EPRS1: variants seen among roughly 807,000 people sequenced by gnomAD.
EPRS1 encodes the protein glutamyl-prolyl-tRNA synthetase 1.
EPRS1 carries 107 observed loss-of-function variants against 188.3 expected under a neutral mutation model. That is an observed-to-expected ratio of 0.57 (90% confidence interval 0.49 to 0.67). The LOEUF (loss-of-function observed/expected upper bound fraction) is 0.67. Among genes scored for constraint, EPRS1 ranks in the 30% least tolerant of loss-of-function variants. The pLI is 0.00. For missense variants in EPRS1, 1,577 were observed against 1,802.2 expected (o/e 0.88, Z 2.26); for synonymous variants, 596 against 593.1 (o/e 1.00, Z -0.07).
In EPRS1 at chr1:219,988,672, G is replaced by A. The variant is rs550792257; in HGVS notation, c.2693C>T (p.Thr898Ile). 1.9e-6 allele frequency: 3 copies of A among 1,613,932 alleles called. No homozygotes were observed. The highest frequency in any genetic ancestry group is 1.3e-5 in the African/African-American group (1 of 75,034). ...GTCAAAAAGTACTTTCGCTTCTGGTGTTTCTAAACCAGCAGGTTCAGAATT... is the reference window on the plus strand; with the variant it reads ...GTCAAAAAGTACTTTCGCTTCTGGTATTTCTAAACCAGCAGGTTCAGAATT... ...TRNSEPAGLE[T>I]PEAKVLFDKV... Residue 898 changes from threonine to isoleucine, a missense_variant, in exon 19 of 32, where the codon ACA (threonine) becomes ATA (isoleucine). Thr to Ile is a moderately conservative substitution (Grantham distance 89). Around this residue, in one of 3 missense-constraint regions of EPRS1, gnomAD observed 1,278 missense variants for 1,457.4 expected, o/e 0.88. Transcript: ENST00000366923.
At chr1:219,969,752 T>G (rs532470742) in intron 30 of EPRS1, among the ~76,000 whole-genome samples, 7 of 152,240 alleles carry the variant, frequency 4.6e-5, no homozygotes, top group Admixed American at 1.3e-4. Context: ...AAATTTGCCA[T>G]GTGTTTGAAA....
At chr1:220,043,655 A>G (rs1241900266) in intron 1 of EPRS1, among the ~76,000 whole-genome samples, 3 of 152,226 alleles carry the variant, frequency 2.0e-5, no homozygotes, top group Admixed American at 6.5e-5. Context: ...ATGGGCTGCA[A>G]TGAAGAACAA....
chr1:219,972,149 T>A lies in EPRS1; in HGVS notation c.4245-2A>T. The A allele has an allele frequency of 6.4e-7, 1 of 1,553,044 alleles. No homozygotes were observed. The highest frequency in any genetic ancestry group is 8.7e-7 in the Non-Finnish European group (1 of 1,146,150). ...TGAGTCTTAAGGTCTTCAGAAGCCC[T>A]ACCAAACAAAATTAGAAAACAATAC... On this transcript the variant is annotated splice_acceptor_variant, in intron 29 of 31. Coordinates refer to ENST00000366923, the MANE Select transcript of EPRS1 (RefSeq NM_004446.3). LOFTEE classifies it high-confidence loss of function.
intron 28 of EPRS1, among the ~76,000 whole-genome samples, chr1:219,976,374 A>G (rs1376777814): frequency 6.6e-6 from 1 of 152,236 alleles, no homozygotes; most frequent in East Asian, 1.9e-4. Context: ...TCATTCTGCT[A>G]TAAAGAAACA....
intron 12 of EPRS1, among the ~76,000 whole-genome samples, chr1:220,012,324 A>C (rs1661620352): frequency 6.6e-6 from 1 of 152,200 alleles, no homozygotes; most frequent in Non-Finnish European, 1.5e-5. Flanking sequence ...CTGACTACTC[A>C]GTTCAGTATT....
At chr1:220,001,742 G>T (rs545333703) in intron 16 of EPRS1, among the ~76,000 whole-genome samples, 1 of 152,188 alleles carries the variant, frequency 6.6e-6, no homozygotes, top group Admixed American at 6.6e-5. Flanking sequence ...AAAATTGACA[G>T]TCTTGGCCGG....
chr1:220,023,588 C>T (rs1661916343), intron 8 of EPRS1, among the ~76,000 whole-genome samples: 2 of 152,252 alleles, frequency 1.3e-5, no homozygotes, highest in South Asian at 4.1e-4. Context: ...TTCATATTTA[C>T]CCACATGCCA....
chr1:220,024,395 T>C lies in EPRS1; in HGVS notation c.812A>G (p.Asp271Gly), dbSNP rs1393112705. The change falls in exon 8 of 32, where the codon GAT (aspartate) becomes GGT (glycine). Residue 271 changes from aspartate to glycine, a missense_variant. This residue lies in a region of EPRS1 where 1,278 missense variants were observed against 1,457.4 expected (regional missense o/e 0.88). Coordinates refer to ENST00000366923, the MANE Select transcript of EPRS1 (RefSeq NM_004446.3). ...IKPDQFTYTS[D>G]HFETIMKYAE... ...ATACTTCATTATAGTTTCAAAATGATCCGAAGTATAAGTAAATTGATCTGG... is the reference window on the plus strand; with the variant it reads ...ATACTTCATTATAGTTTCAAAATGACCCGAAGTATAAGTAAATTGATCTGG... The C allele has an allele frequency of 1.2e-6, 2 of 1,612,338 alleles. No individual in the cohort carries two copies. Among genetic ancestry groups the C allele is most frequent in the Admixed American group, 1.7e-5 (1 of 59,648 alleles).
intron 18 of EPRS1, among the ~76,000 whole-genome samples, chr1:219,994,235 T>C (rs1257205306): frequency 6.6e-6 from 1 of 152,232 alleles, no homozygotes; most frequent in Admixed American, 6.5e-5. Context: ...CTGCACACAT[T>C]AGGTGAACTG....
chr1:220,020,790 A>G (rs1571689107), intron 9 of EPRS1, among the ~76,000 whole-genome samples: 1 of 142,716 alleles, frequency 7.0e-6, no homozygotes, highest in African/African-American at 2.6e-5. Flanking sequence ...GACTAAGATA[A>G]TGTATACAAT....
chr1:219,994,640 C>CTTTTTTTTT (rs71169424), intron 18 of EPRS1, among the ~76,000 whole-genome samples: 1 of 109,500 alleles, frequency 9.1e-6, no homozygotes, highest in Non-Finnish European at 1.8e-5. Flanking sequence ...GTAACTTCTT[C>CTTTTTTTTT]TTTTTTTTTT....
chr1:219,975,348 A>G (rs1477768322), intron 28 of EPRS1, among the ~76,000 whole-genome samples: 1 of 152,218 alleles, frequency 6.6e-6, no homozygotes, highest in Non-Finnish European at 1.5e-5. Flanking sequence ...TGTACTAAGG[A>G]TAATTTGAGC....
chr1:220,046,158 C>T (rs944423260), intron 1 of EPRS1, among the ~76,000 whole-genome samples, 185 bp downstream of exon 1: 6 of 152,268 alleles, frequency 3.9e-5, no homozygotes, highest in African/African-American at 1.4e-4. Flanking sequence ...GGAGCAGATG[C>T]ACCTGCCGGG....
rs764565788 is a variant in EPRS1 at position 220,032,345 on chromosome 1, CAA to C, written c.528+40_528+41del. 5.9e-6 allele frequency: 9 copies of C among 1,529,514 alleles called. No homozygotes were observed. In the East Asian group the frequency reaches 1.8e-4, roughly 31 times the overall value. The allele number at this position is 1,529,514 out of a possible 1,614,324, so 94.7% of individuals were successfully genotyped here. ...TTGTGATCCGCCCGCCTCAGCCTCC[CAA>C]AGTGTTTTTTTTTTTAAAAAAAAAG... On this transcript the variant is annotated intron_variant, in intron 5 of 31. Coordinates refer to ENST00000366923, the MANE Select transcript of EPRS1 (RefSeq NM_004446.3).
At chr1:220,004,209 T>G (rs1335917620) in intron 16 of EPRS1, among the ~76,000 whole-genome samples, 1 of 152,102 alleles carries the variant, frequency 6.6e-6, no homozygotes, top group African/African-American at 2.4e-5. Flanking sequence ...TTATTTATAA[T>G]TTTTTGTAGA....
At chr1:219,985,447 C>G (rs1379954518) in intron 20 of EPRS1, among the ~76,000 whole-genome samples, 1 of 152,108 alleles carries the variant, frequency 6.6e-6, no homozygotes, top group East Asian at 1.9e-4. Context: ...GGCTGGAGTG[C>G]ACTGGTGCAA....
chr1:219,981,610 T>G (rs1372414868), intron 23 of EPRS1, among the ~76,000 whole-genome samples, 153 bp from the exon 24 acceptor site: 1 of 152,250 alleles, frequency 6.6e-6, no homozygotes, highest in African/African-American at 2.4e-5. Context: ...ATATTTCCAA[T>G]GTTTATAATA....
At chr1:220,003,382 C>A (rs2647423) in intron 16 of EPRS1, among the ~76,000 whole-genome samples, 121,499 of 151,620 alleles carry the variant, frequency 0.8, 48,831 homozygotes, top group East Asian at 0.93. Flanking sequence ...TTTTCACTTT[C>A]TTTGAAACAC....
At chr1:220,035,988 T>A (rs558794957) in intron 2 of EPRS1, among the ~76,000 whole-genome samples, 2 of 152,150 alleles carry the variant, frequency 1.3e-5, no homozygotes, top group Admixed American at 1.3e-4. Flanking sequence ...TCACTTGAGG[T>A]CAGGAGCTTG....
Sources: allele counts gnomAD v4.1 joint callset (sites outside exome capture counted in the v4.1 genomes callset), GRCh38; gene constraint gnomAD v4.1.1; regional missense constraint gnomAD v4.1.1; transcripts MANE v1.5; gene names NCBI Gene and HGNC (gene_info 2026-07-23, HGNC 2026-07-21).